NCKAP5: variants seen among roughly 807,000 people sequenced by gnomAD.
NCKAP5 encodes nck-associated protein 5.
In NCKAP5, 92 loss-of-function variants were observed where a neutral mutation model predicts 167.0. That is an observed-to-expected ratio of 0.55 (90% CI 0.47 to 0.66). The LOEUF is 0.66. Among genes scored for constraint, NCKAP5 ranks in the 30% least tolerant of loss-of-function variants. The pLI, the probability that NCKAP5 is intolerant of heterozygous loss-of-function variation, is 0.00. For missense variants in NCKAP5, 2,378 were observed against 2,315.0 expected, an observed-to-expected ratio of 1.03 and a Z score of -0.56; for synonymous variants, 891 against 877.4, an observed-to-expected ratio of 1.02 and a Z score of -0.27.
Position 133,388,879 on chromosome 2 carries a change from T to C in NCKAP5, c.70-85769A>G, listed in dbSNP as rs535164602. ...CCTGGTGTGCTGTTTGCTAAGACCA[T>C]TGGAAACACGCAGTATTAGGGTGGG... On this transcript the variant is annotated intron_variant, in intron 3 of 19. Transcript: ENST00000409261. Among the ~76,000 whole-genome samples the C allele has an allele frequency of 3.2e-3, 486 of 152,318 alleles. 3 individuals carry two copies. The highest frequency in any genetic ancestry group is 5.1e-3 in the Non-Finnish European group (350 of 68,030).
At chr2:132,808,002 T>C (rs1685565683) in intron 11 of NCKAP5, among the ~76,000 whole-genome samples, 1 of 152,180 alleles carries the variant, frequency 6.6e-6, no homozygotes, top group Non-Finnish European at 1.5e-5. Flanking sequence ...TTTCTGCATC[T>C]ATTGAGATGA....
intron 4 of NCKAP5, among the ~76,000 whole-genome samples, chr2:133,233,485 A>G (rs1190852330): frequency 6.6e-6 from 1 of 152,182 alleles, no homozygotes; most frequent in Non-Finnish European, 1.5e-5. Context: ...GAGTTTATAA[A>G]CAATTGAATA....
At chr2:133,246,834 T>C (rs1193442228) in intron 4 of NCKAP5, among the ~76,000 whole-genome samples, 1 of 152,214 alleles carries the variant, frequency 6.6e-6, no homozygotes, top group Non-Finnish European at 1.5e-5. Context: ...AATAAATGAA[T>C]GAGCAAACAG....
intron 3 of NCKAP5, among the ~76,000 whole-genome samples, chr2:133,428,576 G>A (rs185301205): frequency 3.6e-4 from 55 of 152,166 alleles, no homozygotes; most frequent in African/African-American, 1.3e-3. Context: ...CGGAGTAAAA[G>A]AGATAAGATA....
chr2:133,123,573 GA>G, intron 6 of NCKAP5: 1 of 265,976 alleles, frequency 3.8e-6, no homozygotes, highest in Non-Finnish European at 7.8e-6. Context: ...GTCTCAGGCA[GA>G]AATATTGCTG....
chr2:133,222,168 A>T (rs1285156659), intron 4 of NCKAP5, among the ~76,000 whole-genome samples: 1 of 152,110 alleles, frequency 6.6e-6, no homozygotes, highest in African/African-American at 2.4e-5. Flanking sequence ...TCTGCAAAAA[A>T]ATTACTGAGA....
intron 3 of NCKAP5, among the ~76,000 whole-genome samples, chr2:133,485,152 C>T (rs1240634591): frequency 6.6e-6 from 1 of 151,966 alleles, no homozygotes; most frequent in African/African-American, 2.4e-5. Context: ...TGTCCCGTGA[C>T]CACAAAGATA....
intron 2 of NCKAP5, among the ~76,000 whole-genome samples, chr2:133,530,600 T>C (rs181592012): frequency 1.3e-3 from 192 of 152,296 alleles, no homozygotes; most frequent in African/African-American, 4.3e-3. Flanking sequence ...ATTCCTCCCT[T>C]CCTATGATGC....
intron 8 of NCKAP5, among the ~76,000 whole-genome samples, chr2:132,879,494 TG>T (rs1352899990): frequency 6.6e-6 from 1 of 152,224 alleles, no homozygotes; most frequent in Non-Finnish European, 1.5e-5. Context: ...TAGAGCCATG[TG>T]GGTATGTGGT....
At chr2:132,797,204 C>T (rs537103195) in intron 11 of NCKAP5, among the ~76,000 whole-genome samples, 7 of 152,258 alleles carry the variant, frequency 4.6e-5, no homozygotes, top group African/African-American at 1.4e-4. Flanking sequence ...CCCTTGGACA[C>T]GTTTTAACTC....
intron 3 of NCKAP5, among the ~76,000 whole-genome samples, chr2:133,374,376 A>G (rs1365115578): frequency 6.6e-6 from 1 of 152,260 alleles, no homozygotes; most frequent in Non-Finnish European, 1.5e-5. Flanking sequence ...GGATTTTTAG[A>G]GCAGTGAAAC....
chr2:133,049,438 A>G (rs971149326), intron 6 of NCKAP5, among the ~76,000 whole-genome samples: 4 of 149,932 alleles, frequency 2.7e-5, no homozygotes, highest in African/African-American at 9.8e-5. Flanking sequence ...ACAGCTACTT[A>G]GGAGGCTGAG....
At chr2:133,644,107 A>T in the NCKAP5 span, among the ~76,000 whole-genome samples, 1 of 152,280 alleles carries the variant, frequency 6.6e-6, no homozygotes, top group South Asian at 2.1e-4. Flanking sequence ...CCAGATAGTT[A>T]GTTATGCATT....
intron 3 of NCKAP5, among the ~76,000 whole-genome samples, chr2:133,397,662 G>C (rs1687818144): frequency 6.6e-6 from 1 of 152,190 alleles, no homozygotes; most frequent in African/African-American, 2.4e-5. Flanking sequence ...GTTGTAGAGT[G>C]CACAGGGTGT....
At chr2:132,964,397 A>G (rs2076601295) in intron 7 of NCKAP5, among the ~76,000 whole-genome samples, 1 of 152,214 alleles carries the variant, frequency 6.6e-6, no homozygotes, top group Admixed American at 6.5e-5. Context: ...ACTTTTAAGG[A>G]TCCCTCAGTC....
intron 4 of NCKAP5, among the ~76,000 whole-genome samples, chr2:133,234,329 TG>T (rs1445581104): frequency 6.6e-6 from 1 of 152,234 alleles, no homozygotes; most frequent in Non-Finnish European, 1.5e-5. Flanking sequence ...GCAACAAAGA[TG>T]ATCTGAACAC....
chr2:133,101,409 C>T (rs1422663953), intron 6 of NCKAP5, among the ~76,000 whole-genome samples: 1 of 140,428 alleles, frequency 7.1e-6, no homozygotes, highest in Admixed American at 7.2e-5. Context: ...TCCATATGAA[C>T]TTTAAAGTAG....
intron 3 of NCKAP5, among the ~76,000 whole-genome samples, chr2:133,469,143 T>C (rs1366592547): frequency 6.6e-6 from 1 of 152,218 alleles, no homozygotes; most frequent in Non-Finnish European, 1.5e-5. Context: ...TTGCAGTGGC[T>C]GGTACCGGCT....
Position 132,920,752 on chromosome 2 carries a change from T to C in NCKAP5, c.580-41836A>G, listed in dbSNP as rs1392788303. Among the ~76,000 whole-genome samples, 11 of 89,110 alleles carry C rather than the reference T, an allele frequency of 1.2e-4. 1 individual carries two copies. The highest frequency in any genetic ancestry group is 2.2e-4 in the Non-Finnish European group (11 of 50,066). The allele number at this position is 89,110 out of a possible 152,430, so 58.5% of individuals were successfully genotyped here. On this transcript the variant is annotated intron_variant, in intron 8 of 19. Transcript: ENST00000409261. ...ATATATGTATATATATGTGTATATA[T>C]ATATGTATATATATGTATGTATATA...
Sources: gnomAD v4.1 joint callset for allele counts (sites outside exome capture counted in the v4.1 genomes callset) on GRCh38, gnomAD v4.1.1 for gene constraint, MANE v1.5 for transcripts, NCBI Gene and HGNC (gene_info 2026-07-23, HGNC 2026-07-21) for gene names.